The following UVRAG variants were observed in gnomAD, a reference collection of about 807,000 sequenced individuals.
UVRAG encodes UV radiation resistance associated.
A neutral mutation model predicts 78.0 loss-of-function variants in UVRAG; 19 were observed. The observed-to-expected ratio is 0.24, with a 90% confidence interval of 0.17 to 0.36. UVRAG has a LOEUF of 0.36. Among genes scored for constraint, UVRAG ranks in the 10% least tolerant of loss-of-function variants. UVRAG has a pLI of 1.00. For synonymous variants in UVRAG, 323 were observed against 324.6 expected (o/e 1.00, Z 0.05); for missense variants, 740 against 853.8 (o/e 0.87, Z 1.66).
chr11:76,053,136 T>C (rs1163178882), intron 12 of UVRAG, among the ~76,000 whole-genome samples: 2 of 151,460 alleles, frequency 1.3e-5, no homozygotes, highest in African/African-American at 4.9e-5. Context: ...CGAAACCCCA[T>C]CTCTACTAAA....
At chr11:76,054,950 T>TATTG (rs1200960738) in intron 12 of UVRAG, among the ~76,000 whole-genome samples, 1 of 152,254 alleles carries the variant, frequency 6.6e-6, no homozygotes, top group Non-Finnish European at 1.5e-5. Flanking sequence ...GTAAATCATT[T>TATTG]ATTGATTGAA....
At chr11:76,120,489 C>T (rs1432200423) in intron 14 of UVRAG, among the ~76,000 whole-genome samples, 2 of 152,104 alleles carry the variant, frequency 1.3e-5, no homozygotes, top group African/African-American at 4.8e-5. Context: ...ATTGACTTTC[C>T]AGGCATAATT....
chr11:76,093,265 G>A (rs1951735351), intron 13 of UVRAG, among the ~76,000 whole-genome samples: 1 of 152,196 alleles, frequency 6.6e-6, no homozygotes, highest in Non-Finnish European at 1.5e-5. Context: ...CTGTAGCCTT[G>A]TAGTGTAGTT....
intron 4 of UVRAG, among the ~76,000 whole-genome samples, chr11:75,884,431 A>G (rs890794157): frequency 1.3e-5 from 2 of 151,952 alleles, no homozygotes; most frequent in African/African-American, 4.8e-5. Flanking sequence ...GAAGTCCACT[A>G]TGTCAGTTTT....
At chr11:76,076,682 A>AT (rs1052290624) in intron 13 of UVRAG, among the ~76,000 whole-genome samples, 1 of 151,694 alleles carries the variant, frequency 6.6e-6, no homozygotes, top group Non-Finnish European at 1.5e-5. Flanking sequence ...TTTGACTTGA[A>AT]TTTTTTCTAA....
chr11:76,003,288 T>TTTTTTTTTTTTTTTTTTTTTTTG (rs1491521163), intron 8 of UVRAG, among the ~76,000 whole-genome samples: 2 of 62,472 alleles, frequency 3.2e-5, no homozygotes, highest in African/African-American at 1.2e-4. Flanking sequence ...TTTTTTTTTT[T>TTTTTTTTTTTTTTTTTTTTTTTG]GGAGACAGAG....
intron 8 of UVRAG, among the ~76,000 whole-genome samples, chr11:75,987,061 A>G (rs1328734385): frequency 1.3e-5 from 2 of 152,202 alleles, no homozygotes; most frequent in Non-Finnish European, 2.9e-5. Context: ...AAAGCTGCTT[A>G]TGAGCATTCA....
At chr11:76,057,971 T>G (rs529967667) in intron 12 of UVRAG, among the ~76,000 whole-genome samples, 31 of 152,150 alleles carry the variant, frequency 2.0e-4, no homozygotes, top group African/African-American at 4.1e-4. Flanking sequence ...TGTGGTTTTT[T>G]TTGTTGTTGT....
intron 14 of UVRAG, among the ~76,000 whole-genome samples, chr11:76,133,977 G>A (rs1252755335): frequency 2.9e-4 from 40 of 136,270 alleles, no homozygotes; most frequent in South Asian, 2.4e-4. Flanking sequence ...TTTTTGAGAC[G>A]GAGTCTCACT....
At position 76,016,751 on chromosome 11, in the gene UVRAG, A is replaced by G. The variant is rs1050749077; in HGVS notation, c.1061-64A>G. ...ATAAAATATTCTTTGAAAATTATTTATTATCTTATGGTTATTTATAAGGTA... is the reference window on the plus strand; with the variant it reads ...ATAAAATATTCTTTGAAAATTATTTGTTATCTTATGGTTATTTATAAGGTA... On this transcript the variant is annotated intron_variant, in intron 11 of 14. Coordinates refer to ENST00000356136, the MANE Select transcript of UVRAG (RefSeq NM_003369.4). 3.8e-6 allele frequency: 5 copies of G among 1,309,344 alleles called. No individual in the cohort carries two copies. In the African/African-American group the frequency reaches 7.5e-5, roughly 20 times the overall value. 81.1% of individuals were successfully genotyped at this position (1,309,344 alleles called of 1,614,324 possible).
intron 13 of UVRAG, among the ~76,000 whole-genome samples, chr11:76,091,949 A>C (rs1003527863): frequency 6.6e-6 from 1 of 151,934 alleles, no homozygotes; most frequent in Non-Finnish European, 1.5e-5. Context: ...TTCGTCATTT[A>C]CATTGGGTAT....
intron 14 of UVRAG, among the ~76,000 whole-genome samples, chr11:76,135,731 G>A (rs564999839): frequency 3.8e-4 from 58 of 152,330 alleles, no homozygotes; most frequent in African/African-American, 1.3e-3. Context: ...CTGGTGAGGA[G>A]AATGTGTGCA....
intron 12 of UVRAG, among the ~76,000 whole-genome samples, chr11:76,030,432 G>A (rs1565127668): frequency 6.6e-6 from 1 of 152,202 alleles, no homozygotes; most frequent in Non-Finnish European, 1.5e-5. Flanking sequence ...TCTACAGTCT[G>A]CTAAGTAGTC....
chr11:75,952,490 A>C (rs1948722039), intron 6 of UVRAG, among the ~76,000 whole-genome samples: 1 of 151,608 alleles, frequency 6.6e-6, no homozygotes, highest in South Asian at 2.1e-4. Flanking sequence ...AATTTTATCA[A>C]ATGCTTCTTT....
chr11:75,850,964 T>G (rs747688627), intron 1 of UVRAG, among the ~76,000 whole-genome samples: 2 of 152,206 alleles, frequency 1.3e-5, no homozygotes, highest in Non-Finnish European at 2.9e-5. Context: ...TGCCTGTAAT[T>G]GAAAGTGGAC....
intron 13 of UVRAG, among the ~76,000 whole-genome samples, chr11:76,107,755 CT>C (rs1951997115): frequency 6.6e-6 from 1 of 151,436 alleles, no homozygotes; most frequent in Non-Finnish European, 1.5e-5. Flanking sequence ...ATTACGTTTT[CT>C]TCTAGGAAGG....
Position 75,848,070 on chromosome 11 carries a change from T to C in UVRAG, c.118-3813T>C, listed in dbSNP as rs143029532. ...AAATTTAGCTGGGCATGGTGGCATA[T>C]GCCTGTGGTCCCAGCTACTTGGGAG... On this transcript the variant is annotated intron_variant, in intron 1 of 14. Coordinates refer to ENST00000356136, the MANE Select transcript of UVRAG (RefSeq NM_003369.4). Among the ~76,000 whole-genome samples, 443 of 150,458 alleles carry C rather than the reference T, an allele frequency of 2.9e-3. 17 individuals carry two copies. In the East Asian group the frequency reaches 0.074, roughly 25 times the overall value.
chr11:75,878,017 C>CT (rs1326390422), intron 3 of UVRAG, among the ~76,000 whole-genome samples: 63 of 150,786 alleles, frequency 4.2e-4, no homozygotes, highest in African/African-American at 1.5e-3. Flanking sequence ...CTCCTCACTT[C>CT]CCAGACGGGG....
At position 76,130,897 on chromosome 11, in the gene UVRAG, T is replaced by C. The variant is rs141440398; in HGVS notation, c.1398-9814T>C. Reference sequence around the variant, plus strand: ...GGGTTCTGTGAGATTGTTGTTCCTCTGGTTTCCCTGGCAAAGGCAGAGGTT... The same window carrying C: ...GGGTTCTGTGAGATTGTTGTTCCTCCGGTTTCCCTGGCAAAGGCAGAGGTT... On this transcript the variant is annotated intron_variant, in intron 14 of 14. Coordinates refer to ENST00000356136, the MANE Select transcript of UVRAG (RefSeq NM_003369.4). 4.5e-3 allele frequency among the ~76,000 whole-genome samples: 679 copies of C among 152,204 alleles called. 7 individuals are homozygous for C. Among genetic ancestry groups the C allele is most frequent in the African/African-American group, 0.016 (655 of 41,548 alleles).
Sources: allele counts gnomAD v4.1 joint callset (sites outside exome capture counted in the v4.1 genomes callset), GRCh38; gene constraint gnomAD v4.1.1; transcripts MANE v1.5; gene names NCBI Gene and HGNC (gene_info 2026-07-23, HGNC 2026-07-21).